SPTBN4: variants seen among roughly 807,000 people sequenced by gnomAD.
SPTBN4 encodes spectrin beta chain, non-erythrocytic 4.
SPTBN4 carries 96 observed loss-of-function variants against 277.8 expected under a neutral mutation model. That is an observed-to-expected ratio of 0.35 (90% CI 0.29 to 0.41). SPTBN4 has a LOEUF of 0.41. SPTBN4 is among the 10% of genes least tolerant of loss of function. SPTBN4 has a pLI of 1.00. For missense variants in SPTBN4, 3,006 were observed against 3,595.7 expected, an observed-to-expected ratio of 0.84 and a Z score of 4.19; for synonymous variants, 1,481 against 1,580.3, an observed-to-expected ratio of 0.94 and a Z score of 1.49.
At chr19:40,488,849 T>G (rs1244700988) in intron 3 of SPTBN4, among the ~76,000 whole-genome samples, 1 of 151,550 alleles carries the variant, frequency 6.6e-6, no homozygotes, top group Non-Finnish European at 1.5e-5. Context: ...TTTAAATAGA[T>G]ACGAGGCGTC....
intron 22 of SPTBN4, among the ~76,000 whole-genome samples, chr19:40,552,377 C>A (rs1372123812): frequency 2.0e-5 from 3 of 149,128 alleles, no homozygotes; most frequent in Non-Finnish European, 3.0e-5. Context: ...ATCGCTTGAA[C>A]CTAGGAGGCG....
intron 27 of SPTBN4, among the ~76,000 whole-genome samples, chr19:40,563,891 C>A (rs145711292): frequency 1.3e-5 from 2 of 150,316 alleles, no homozygotes; most frequent in Non-Finnish European, 3.0e-5. Flanking sequence ...AAATACAGAA[C>A]AAAAAATTAG....
chr19:40,567,600 A>G, intron 30 of SPTBN4, 63 bp from the exon 31 acceptor site: 29 of 1,056,006 alleles, frequency 2.7e-5, no homozygotes, highest in Non-Finnish European at 3.6e-5. Context: ...GCCTCCCCGG[A>G]CCTCCCCCTT....
At chr19:40,477,983 C>T (rs536591880) in intron 2 of SPTBN4, among the ~76,000 whole-genome samples, 2 of 152,144 alleles carry the variant, frequency 1.3e-5, no homozygotes, top group Non-Finnish European at 2.9e-5. Flanking sequence ...GGATTACAGG[C>T]GCCTGTCACC....
At chr19:40,496,217 T>C (rs1480519353) in intron 6 of SPTBN4, among the ~76,000 whole-genome samples, 1 of 152,214 alleles carries the variant, frequency 6.6e-6, no homozygotes, top group Non-Finnish European at 1.5e-5. Context: ...TGGCACGATC[T>C]CGGCTCACTG....
intron 3 of SPTBN4, among the ~76,000 whole-genome samples, chr19:40,488,518 C>T (rs575724076): frequency 6.6e-6 from 1 of 152,262 alleles, no homozygotes; most frequent in South Asian, 2.1e-4. Flanking sequence ...CAGCTGGGCG[C>T]TGTGGCTCAT....
intron 20 of SPTBN4, 76 bp from the exon 21 acceptor site, chr19:40,549,113 C>A: frequency 7.8e-7 from 1 of 1,274,766 alleles, no homozygotes; most frequent in Non-Finnish European, 1.1e-6. Context: ...CTGGCTGTCA[C>A]CATAAGGGTA....
rs530947614 is a variant in SPTBN4, at chr19:40,568,297, T to G, written c.6956+15T>G. On this transcript the variant is annotated intron_variant, in intron 31 of 35. Coordinates refer to ENST00000598249, the MANE Select transcript of SPTBN4 (RefSeq NM_020971.3). ...CTGGTCAAGGGGTGAGGTGCCCGCC[T>G]TATGACCAGAAAGTGAGGGGAGGGG... 6 of 1,587,000 alleles carry G rather than the reference T, an allele frequency of 3.8e-6. No individual in the cohort carries two copies. In the South Asian group the frequency reaches 5.7e-5, roughly 15 times the overall value.
chr19:40,548,739 A>C (rs1405042752), intron 20 of SPTBN4, among the ~76,000 whole-genome samples: 1 of 152,098 alleles, frequency 6.6e-6, no homozygotes, highest in African/African-American at 2.4e-5. Context: ...CGTTAACAAA[A>C]AATTATTACT....
rs186940234 is a variant in SPTBN4, at chr19:40,470,230, C to T, written c.-15-2377C>T. 7.9e-5 allele frequency among the ~76,000 whole-genome samples: 12 copies of T among 152,060 alleles called. No homozygotes were observed. The East Asian group carries it at 1.9e-3, about 25-fold the overall frequency. ...CCCAGACTGGTCTCGAACCCCTGAG[C>T]TCAGGCAATCCACCCGCCTTGGCCT... is the stretch of plus-strand genomic sequence containing the variant. On this transcript the variant is annotated intron_variant, in intron 1 of 35. Transcript: ENST00000598249.
chr19:40,547,389 A>G (rs927234668), intron 20 of SPTBN4, among the ~76,000 whole-genome samples: 16 of 152,140 alleles, frequency 1.1e-4, no homozygotes, highest in African/African-American at 4.8e-5. Context: ...ATAGTATTCC[A>G]TGGTGTATAT....
intron 20 of SPTBN4, among the ~76,000 whole-genome samples, chr19:40,540,526 G>A (rs1475660074): frequency 1.3e-5 from 2 of 151,956 alleles, no homozygotes; most frequent in African/African-American, 4.8e-5. Flanking sequence ...ATTCGCGTGA[G>A]CCACTGCACC....
chr19:40,560,478 C>A lies in SPTBN4; in HGVS notation c.5915+75C>A, dbSNP rs1000253527. The A allele has an allele frequency of 2.5e-6, 4 of 1,606,152 alleles. No individual in the cohort carries two copies. In the East Asian group the frequency reaches 6.7e-5, roughly 27 times the overall value. On this transcript the variant is annotated intron_variant, in intron 27 of 35. Transcript: ENST00000598249. The surrounding 1 kb of genome is among the most constrained non-coding windows in gnomAD (Gnocchi z 5.2). The stretch of plus-strand genomic sequence containing the variant: ...CCAGCCACCCCCAGCCCATTGACAG[C>A]CCCCTTCTCAATGGAATGACAACAG...
At chr19:40,552,578 C>A (rs1376406364) in intron 22 of SPTBN4, among the ~76,000 whole-genome samples, 1 of 151,334 alleles carries the variant, frequency 6.6e-6, no homozygotes, top group Non-Finnish European at 1.5e-5. Flanking sequence ...TAGATATTGT[C>A]ATTATCCTCA....
intron 22 of SPTBN4, among the ~76,000 whole-genome samples, chr19:40,552,316 G>A (rs1407466290): frequency 5.9e-5 from 9 of 151,290 alleles, no homozygotes; most frequent in South Asian, 2.1e-4. Context: ...TTAGCCGGGC[G>A]AGGTGTCGGG....
rs745666995 is a variant in SPTBN4 at position 40,502,465 on chromosome 19, C to T, written c.1161C>T (p.Leu387=). The stretch of plus-strand genomic sequence containing the variant: ...AACTGCGTGCCTGCAACCGTCGCCT[C>T]TTTGTGCCTCGGGAGGGCTGTGGCA... ...QSKLRACNRR[L]FVPREGCGIW... is the part of the protein sequence containing the mutation. Residue 387 remains leucine, a synonymous_variant, in exon 10 of 36, where the codon CTC becomes CTT. Transcript: ENST00000598249. This position sits in a 1 kb window ranked among gnomAD's most constrained non-coding sequence, Gnocchi z 4.9. 6.2e-7 allele frequency: 1 copy of T among 1,613,496 alleles called. No homozygotes were observed. The highest frequency in any genetic ancestry group is 8.5e-7 in the Non-Finnish European group (1 of 1,179,988).
intron 35 of SPTBN4, among the ~76,000 whole-genome samples, chr19:40,575,112 G>A (rs940325348): frequency 6.6e-6 from 1 of 151,954 alleles, no homozygotes; most frequent in Non-Finnish European, 1.5e-5. Flanking sequence ...CTTAGCACAG[G>A]GCCTAGTAAA....
rs753321855 is a variant in SPTBN4, at chr19:40,557,006, C to T, written c.5290-17C>T. Reference sequence around the variant, plus strand: ...TGCTCACTTTGCTGTACCCCCCCCCCCACTTCCTGATGGCAGGTGCTGCAG... The same window carrying T: ...TGCTCACTTTGCTGTACCCCCCCCCTCACTTCCTGATGGCAGGTGCTGCAG... On this transcript the variant is annotated splice_polypyrimidine_tract_variant and intron_variant, in intron 25 of 35. Transcript: ENST00000598249. 9 of 1,528,276 alleles carry T rather than the reference C, an allele frequency of 5.9e-6. No individual in the cohort carries two copies. The highest frequency in any genetic ancestry group is 4.6e-5 in the East Asian group (2 of 43,262). The allele number at this position is 1,528,276 out of a possible 1,614,324, so 94.7% of individuals were successfully genotyped here.
intron 20 of SPTBN4, among the ~76,000 whole-genome samples, chr19:40,544,226 T>C (rs1229545981): frequency 1.3e-5 from 2 of 149,290 alleles, no homozygotes; most frequent in Admixed American, 1.3e-4. Flanking sequence ...CACTGCAACC[T>C]CCGCCTCCCG....
Sources: allele counts gnomAD v4.1 joint callset (sites outside exome capture counted in the v4.1 genomes callset), GRCh38; gene constraint gnomAD v4.1.1; non-coding constraint Gnocchi (gnomAD v3.1); transcripts MANE v1.5; gene names NCBI Gene and HGNC (gene_info 2026-07-23, HGNC 2026-07-21).